Variants in SLC25A48 observed in about 807,000 individuals in gnomAD.
SLC25A48 encodes CTC-321K16.1.
A neutral mutation model predicts 32.2 loss-of-function variants in SLC25A48; 29 were observed. The ratio of observed to expected loss-of-function variants is 0.90; its 90% CI spans 0.67 to 1.23. The LOEUF (loss-of-function observed/expected upper bound fraction) is 1.23. SLC25A48 is among the 50% of genes most tolerant of loss of function. SLC25A48 has a pLI of 0.00. For synonymous variants in SLC25A48, 164 were observed against 172.3 expected, an observed-to-expected ratio of 0.95 and a Z score of 0.38; for missense variants, 399 against 422.7, an observed-to-expected ratio of 0.94 and a Z score of 0.49.
At chr5:135,748,054 C>T (rs1755682221) in intron 3 of SLC25A48, among the ~76,000 whole-genome samples, 1 of 152,134 alleles carries the variant, frequency 6.6e-6, no homozygotes, top group Non-Finnish European at 1.5e-5. Flanking sequence ...CCAATCTGGT[C>T]AGGAGAAGAA....
intron 3 of SLC25A48, among the ~76,000 whole-genome samples, chr5:135,805,832 A>T (rs1757451669): frequency 6.6e-6 from 1 of 151,456 alleles, no homozygotes; most frequent in Admixed American, 6.6e-5. Context: ...TTTTAGGGAG[A>T]TATTACTCCT....
intron 3 of SLC25A48, among the ~76,000 whole-genome samples, chr5:135,663,828 A>G (rs777147212): frequency 2.0e-5 from 3 of 152,138 alleles, no homozygotes; most frequent in Non-Finnish European, 2.9e-5. Context: ...GGCCTCACAA[A>G]AAAAAAATCT....
At chr5:135,748,104 G>A (rs1755683275) in intron 3 of SLC25A48, among the ~76,000 whole-genome samples, 1 of 152,206 alleles carries the variant, frequency 6.6e-6, no homozygotes, top group Non-Finnish European at 1.5e-5. Flanking sequence ...CTGGAGAGCA[G>A]AGAGGAAGTC....
At chr5:135,751,751 T>C (rs1473709884) in intron 3 of SLC25A48, among the ~76,000 whole-genome samples, 2 of 152,162 alleles carry the variant, frequency 1.3e-5, no homozygotes, top group Admixed American at 6.5e-5. Context: ...GGAGGATTGC[T>C]GGAGTTGGAG....
At chr5:135,745,114 G>C (rs1755609818) in intron 3 of SLC25A48, among the ~76,000 whole-genome samples, 1 of 152,196 alleles carries the variant, frequency 6.6e-6, no homozygotes, top group East Asian at 1.9e-4. Context: ...TGCAGAGTGG[G>C]AATCAGGGGG....
intron 3 of SLC25A48, among the ~76,000 whole-genome samples, chr5:135,698,438 G>T (rs780839180): frequency 3.9e-5 from 6 of 152,208 alleles, no homozygotes; most frequent in Non-Finnish European, 7.3e-5. Flanking sequence ...TCTTAGAACT[G>T]ATACTATCTT....
At chr5:135,647,555 T>C (rs1752993544) in intron 3 of SLC25A48, among the ~76,000 whole-genome samples, 1 of 152,014 alleles carries the variant, frequency 6.6e-6, no homozygotes, top group South Asian at 2.1e-4. Flanking sequence ...CTCATTAGGG[T>C]AGAGCAGTCC....
chr5:135,816,329 A>T (rs58671009), intron 4 of SLC25A48, among the ~76,000 whole-genome samples: 10,030 of 152,226 alleles, frequency 0.066, 772 homozygotes, highest in African/African-American at 0.19. Context: ...TATTACATTA[A>T]TTTGCTACTA....
At chr5:135,659,934 C>G (rs901451633) in intron 3 of SLC25A48, among the ~76,000 whole-genome samples, 1 of 152,244 alleles carries the variant, frequency 6.6e-6, no homozygotes, top group Non-Finnish European at 1.5e-5. Flanking sequence ...GTGTCCCACC[C>G]ACCTTCGGGA....
At chr5:135,794,527 T>C (rs11958557) in intron 3 of SLC25A48, among the ~76,000 whole-genome samples, 99,267 of 150,840 alleles carry the variant, frequency 0.66, 34,501 homozygotes, top group Non-Finnish European at 0.78. Context: ...GATATTGTTC[T>C]TAATATCCAG....
chr5:135,849,659 C>T (rs73287208), intron 2 of SLC25A48, among the ~76,000 whole-genome samples: 160 of 152,292 alleles, frequency 1.1e-3, no homozygotes, highest in African/African-American at 3.8e-3. Context: ...TCTATATAAT[C>T]AAATACATAG....
intron 3 of SLC25A48, among the ~76,000 whole-genome samples, chr5:135,752,445 A>G (rs796414728): frequency 9.8e-5 from 15 of 152,326 alleles, no homozygotes; most frequent in African/African-American, 2.4e-4. Context: ...TCTTTCTACA[A>G]TATTACAAAT....
At chr5:135,720,135 T>C (rs542881000) in intron 3 of SLC25A48, among the ~76,000 whole-genome samples, 3 of 152,364 alleles carry the variant, frequency 2.0e-5, no homozygotes, top group South Asian at 2.1e-4. Context: ...CTGCTCATTG[T>C]AGCAGTGGAG....
Position 135,852,680 on chromosome 5 carries a change from G to A in SLC25A48, c.280G>A (p.Glu94Lys). ...GTTCCTCAGCCAGCACCGCTGCGGGGAGCCAGAGGCCAGTCCTCCCCGCAC... is the reference window on the plus strand; with the variant it reads ...GTTCCTCAGCCAGCACCGCTGCGGGAAGCCAGAGGCCAGTCCTCCCCGCAC... Reference protein sequence around the residue: ...QRFLSQHRCGEPEASPPRTLS... With the variant: ...QRFLSQHRCGKPEASPPRTLS... Residue 94 changes from glutamate to lysine, a missense_variant, in exon 4 of 8, where the codon GAG (glutamate) becomes AAG (lysine). By Grantham distance (56) the Glu-to-Lys change is moderately conservative. Transcript: ENST00000681962. 1.2e-6 allele frequency: 2 copies of A among 1,614,016 alleles called. No individual in the cohort carries two copies. The highest frequency in any genetic ancestry group is 1.7e-6 in the Non-Finnish European group (2 of 1,179,924).
At chr5:135,662,327 T>A (rs1204485156) in intron 3 of SLC25A48, among the ~76,000 whole-genome samples, 1 of 152,102 alleles carries the variant, frequency 6.6e-6, no homozygotes, top group East Asian at 1.9e-4. Flanking sequence ...GTAAGCAGTA[T>A]TTATTTGTTT....
At chr5:135,879,267 T>G (rs1487923384) in intron 6 of SLC25A48, among the ~76,000 whole-genome samples, 1 of 152,154 alleles carries the variant, frequency 6.6e-6, no homozygotes, top group African/African-American at 2.4e-5. Flanking sequence ...AATCAGCAGT[T>G]AATACATGCT....
At chr5:135,869,409 G>T (rs534619240) in intron 4 of SLC25A48, among the ~76,000 whole-genome samples, 2 of 152,138 alleles carry the variant, frequency 1.3e-5, no homozygotes, top group South Asian at 2.1e-4. Flanking sequence ...TGCTTACTCC[G>T]CAGGGAAAAG....
At chr5:135,680,018 C>T (rs1580779567) in intron 3 of SLC25A48, among the ~76,000 whole-genome samples, 1 of 152,144 alleles carries the variant, frequency 6.6e-6, no homozygotes, top group Non-Finnish European at 1.5e-5. Context: ...ACTCACTTAC[C>T]CTTTTTTGCA....
At chr5:135,878,541 C>T (rs551444563) in intron 6 of SLC25A48, among the ~76,000 whole-genome samples, 1 of 152,308 alleles carries the variant, frequency 6.6e-6, no homozygotes, top group East Asian at 1.9e-4. Flanking sequence ...TCCATCAGCC[C>T]CTTTCCCAGG....
Sources: gnomAD v4.1 joint callset for allele counts (sites outside exome capture counted in the v4.1 genomes callset) on GRCh38, gnomAD v4.1.1 for gene constraint, MANE v1.5 for transcripts, NCBI Gene and HGNC (gene_info 2026-07-23, HGNC 2026-07-21) for gene names.